ADCY8: variants seen among roughly 807,000 people sequenced by gnomAD.
ADCY8 encodes adenylate cyclase type 8.
In ADCY8, 51 loss-of-function variants were observed where a neutral mutation model predicts 119.7. The ratio of observed to expected loss-of-function variants is 0.43; its 90% CI spans 0.34 to 0.54. The LOEUF is 0.54. Among genes scored for constraint, ADCY8 ranks in the 20% least tolerant of loss-of-function variants. The pLI is 0.03. For synonymous variants in ADCY8, 665 were observed against 651.0 expected (o/e 1.02, Z -0.33); for missense variants, 1,383 against 1,598.8 (o/e 0.87, Z 2.30).
At chr8:130,965,639 A>G (rs575794811) in intron 2 of ADCY8, among the ~76,000 whole-genome samples, 17 of 152,338 alleles carry the variant, frequency 1.1e-4, no homozygotes, top group African/African-American at 3.8e-4. Context: ...ATGCCCATGA[A>G]CCCACATTCA....
chr8:130,841,668 A>T (rs903469146), intron 11 of ADCY8, among the ~76,000 whole-genome samples: 4 of 152,238 alleles, frequency 2.6e-5, no homozygotes, highest in African/African-American at 9.6e-5. Context: ...GGAATTGAGC[A>T]TCTACCCACA....
chr8:130,847,123 G>C (rs1341236850), intron 11 of ADCY8, among the ~76,000 whole-genome samples: 1 of 151,906 alleles, frequency 6.6e-6, no homozygotes, highest in East Asian at 1.9e-4. Flanking sequence ...ATGGAAAATG[G>C]ATAGAAGGAA....
At chr8:130,810,476 C>A (rs1005048093) in intron 14 of ADCY8, among the ~76,000 whole-genome samples, 3 of 152,072 alleles carry the variant, frequency 2.0e-5, no homozygotes, top group Non-Finnish European at 4.4e-5. Context: ...GGACTGGACT[C>A]CCCTTGTGGC....
chr8:130,851,423 G>A (rs1817523951), intron 9 of ADCY8, among the ~76,000 whole-genome samples: 1 of 152,102 alleles, frequency 6.6e-6, no homozygotes, highest in African/African-American at 2.4e-5. Flanking sequence ...AGAGTGGGGA[G>A]CATGAGCAAA....
intron 17 of ADCY8, among the ~76,000 whole-genome samples, chr8:130,782,050 T>C (rs1027750265): frequency 2.6e-5 from 4 of 151,990 alleles, no homozygotes; most frequent in Non-Finnish European, 2.9e-5. Flanking sequence ...GAAAAATCAA[T>C]GAGGGTAAAA....
chr8:130,898,738 T>C (rs1381722815), intron 7 of ADCY8, among the ~76,000 whole-genome samples: 4 of 152,220 alleles, frequency 2.6e-5, no homozygotes, highest in Non-Finnish European at 5.9e-5. Context: ...TCACTTGTCA[T>C]AAAAATCCAG....
At chr8:130,933,814 T>C (rs1387581116) in intron 5 of ADCY8, among the ~76,000 whole-genome samples, 1 of 152,240 alleles carries the variant, frequency 6.6e-6, no homozygotes, top group African/African-American at 2.4e-5. Context: ...CAATGTTATC[T>C]CTGTAACATA....
chr8:130,826,958 TA>T (rs746870000), intron 12 of ADCY8, among the ~76,000 whole-genome samples: 3 of 152,068 alleles, frequency 2.0e-5, no homozygotes, highest in Non-Finnish European at 4.4e-5. Flanking sequence ...GAGAAATACC[TA>T]ATGTAAATGA....
At chr8:130,932,099 A>G (rs753618399) in intron 5 of ADCY8, among the ~76,000 whole-genome samples, 40 of 152,202 alleles carry the variant, frequency 2.6e-4, no homozygotes, top group Admixed American at 8.5e-4. Context: ...GGAAAGCACT[A>G]CGGCAGGTGT....
chr8:130,881,315 C>T (rs55821750), intron 8 of ADCY8, among the ~76,000 whole-genome samples: 17,592 of 152,120 alleles, frequency 0.12, 1,199 homozygotes, highest in African/African-American at 0.19. Flanking sequence ...TGGATAGGCA[C>T]GCCAATTATT....
intron 1 of ADCY8, among the ~76,000 whole-genome samples, chr8:131,023,353 A>T (rs995716186): frequency 2.5e-4 from 38 of 152,170 alleles, no homozygotes; most frequent in Non-Finnish European, 5.9e-5. Context: ...AGGAACATCT[A>T]AGTTAAGTCC....
chr8:130,831,305 G>T (rs1357824602), intron 12 of ADCY8, among the ~76,000 whole-genome samples: 2 of 152,166 alleles, frequency 1.3e-5, no homozygotes, highest in Non-Finnish European at 2.9e-5. Context: ...AACCCTAAGT[G>T]CTTACTATAT....
chr8:131,005,519 C>G (rs1823087708), intron 1 of ADCY8, among the ~76,000 whole-genome samples: 1 of 152,222 alleles, frequency 6.6e-6, no homozygotes, highest in South Asian at 2.1e-4. Context: ...GGCTATTCTC[C>G]TTTGGCCTCT....
At chr8:130,786,093 C>T (rs1469751704) in intron 15 of ADCY8, among the ~76,000 whole-genome samples, 3 of 152,168 alleles carry the variant, frequency 2.0e-5, no homozygotes, top group Non-Finnish European at 2.9e-5. Context: ...ATCCCATTCC[C>T]ACATACATAT....
At chr8:130,884,191 A>G (rs903135591) in intron 8 of ADCY8, among the ~76,000 whole-genome samples, 12 of 152,288 alleles carry the variant, frequency 7.9e-5, no homozygotes, top group African/African-American at 2.6e-4. Context: ...GCCCTCATTT[A>G]TTATGTTAAA....
At chr8:130,850,735 CTAAA>C (rs1156515931) in intron 9 of ADCY8, among the ~76,000 whole-genome samples, 1 of 152,126 alleles carries the variant, frequency 6.6e-6, no homozygotes, top group Non-Finnish European at 1.5e-5. Flanking sequence ...TTGGCCAGTG[CTAAA>C]TAAATGTGTG....
At chr8:130,810,290 T>C (rs1204261671) in intron 14 of ADCY8, among the ~76,000 whole-genome samples, 1 of 152,036 alleles carries the variant, frequency 6.6e-6, no homozygotes, top group Non-Finnish European at 1.5e-5. Flanking sequence ...ACTACAGTCC[T>C]GCCCCTTCCC....
At chr8:130,996,439 T>C (rs1822777510) in intron 1 of ADCY8, among the ~76,000 whole-genome samples, 1 of 152,026 alleles carries the variant, frequency 6.6e-6, no homozygotes, top group African/African-American at 2.4e-5. Context: ...TAACATGTAG[T>C]ATAATGCTAT....
chr8:130,842,294 C>T (rs1242007475), intron 11 of ADCY8, among the ~76,000 whole-genome samples: 2 of 152,198 alleles, frequency 1.3e-5, no homozygotes, highest in Middle Eastern at 3.4e-3. Flanking sequence ...GGTTTTGAAC[C>T]TGTGGATGTA....
Sources: gnomAD v4.1 joint callset for allele counts (sites outside exome capture counted in the v4.1 genomes callset) on GRCh38, gnomAD v4.1.1 for gene constraint, MANE v1.5 for transcripts, NCBI Gene and HGNC (gene_info 2026-07-23, HGNC 2026-07-21) for gene names.